Variants in LBP observed in about 807,000 individuals in gnomAD.
LBP encodes lipopolysaccharide-binding protein.
LBP carries 53 observed loss-of-function variants against 56.6 expected under a neutral mutation model. The observed-to-expected ratio is 0.94, with a 90% CI of 0.75 to 1.18. The LOEUF (loss-of-function observed/expected upper bound fraction) is 1.18. Ranked by LOEUF, LBP falls within the 50% of genes most tolerant of loss-of-function variation. LBP has a pLI of 0.00. For synonymous variants in LBP, 227 were observed against 247.5 expected (o/e 0.92, Z 0.78); for missense variants, 601 against 598.3 (o/e 1.00, Z -0.05).
intron 8 of LBP, among the ~76,000 whole-genome samples, chr20:38,365,121 G>A (rs1350453368): frequency 1.3e-5 from 2 of 150,924 alleles, no homozygotes; most frequent in African/African-American, 4.9e-5. Flanking sequence ...TGTAATCCCA[G>A]CTACTTGGGA....
intron 14 of LBP, among the ~76,000 whole-genome samples, chr20:38,374,983 GACAAGGTTTC>G: frequency 8.2e-6 from 1 of 122,320 alleles, no homozygotes; most frequent in South Asian, 2.7e-4. Context: ...TTTTGGTAGA[GACAAGGTTTC>G]ACAATGCTGG....
chr20:38,361,811 C>T (rs1301955513), intron 6 of LBP, among the ~76,000 whole-genome samples: 1 of 152,144 alleles, frequency 6.6e-6, no homozygotes, highest in East Asian at 1.9e-4. Flanking sequence ...CAGCTCCCAA[C>T]CGAGAAACAG....
At chr20:38,355,242 A>C in intron 4 of LBP, 104 bp from the exon 5 acceptor site, 1 of 994,988 alleles carries the variant, frequency 1.0e-6, no homozygotes, top group Non-Finnish European at 1.6e-6. Flanking sequence ...GAAGGGGTGG[A>C]GAGGGCTCCC....
At chr20:38,356,278 TAC>T (rs1441136149) in intron 5 of LBP, among the ~76,000 whole-genome samples, 1 of 47,958 alleles carries the variant, frequency 2.1e-5, no homozygotes, top group Non-Finnish European at 4.2e-5. Context: ...ACGCACCCCC[TAC>T]ACACACACCA....
Position 38,373,917 on chromosome 20 carries a change from T to C in LBP, c.1325-20T>C, listed in dbSNP as rs761304382. ...TTATTTATTCACCAATCTCTTTCAA[T>C]GTTGTGCTTCAACCTCTAGATAAGT... is the stretch of plus-strand genomic sequence containing the variant. On this transcript the variant is annotated intron_variant, in intron 13 of 14. Transcript: ENST00000217407. The C allele has an allele frequency of 6.2e-7, 1 of 1,608,226 alleles. No homozygotes were observed. The highest frequency in any genetic ancestry group is 8.5e-7 in the Non-Finnish European group (1 of 1,174,658).
rs764324583 is a variant in LBP, at chr20:38,364,771, A to G, written c.921+19A>G. ...TGACATGGTGAGGATGGTGGCAAAC[A>G]GGTCTCTCAAATGAACACATAACCT... is the stretch of plus-strand genomic sequence containing the variant. On this transcript the variant is annotated intron_variant, in intron 8 of 14. Coordinates refer to ENST00000217407, the MANE Select transcript of LBP (RefSeq NM_004139.5). 1 of 1,590,758 alleles carries G rather than the reference A, an allele frequency of 6.3e-7. No individual in the cohort carries two copies. The highest frequency in any genetic ancestry group is 8.6e-7 in the Non-Finnish European group (1 of 1,168,220).
intron 3 of LBP, among the ~76,000 whole-genome samples, chr20:38,353,498 T>C (rs2076827753): frequency 6.8e-6 from 1 of 146,472 alleles, no homozygotes; most frequent in African/African-American, 2.5e-5. Context: ...TTTTTTTTTT[T>C]TTTTTTTTTG....
At position 38,374,025 on chromosome 20, in the gene LBP, CA is replaced by C. The variant is rs1380680000; in HGVS notation, c.1401+13del. The C allele has an allele frequency of 1.2e-6, 2 of 1,613,318 alleles. No homozygotes were observed. Among genetic ancestry groups the C allele is most frequent in the African/African-American group, 1.3e-5 (1 of 75,006 alleles). On this transcript the variant is annotated intron_variant, in intron 14 of 14. Transcript: ENST00000217407. ...TGCAGATCCATAAGGTCGGTGGGTT[CA>C]GGGGGGCTCTGAGGATGTGTGAGGG...
At chr20:38,372,429 T>A (rs919230243) in intron 12 of LBP, among the ~76,000 whole-genome samples, 1 of 152,232 alleles carries the variant, frequency 6.6e-6, no homozygotes, top group African/African-American at 2.4e-5. Context: ...GCGTGTTTAC[T>A]GCAAAGTAAA....
intron 13 of LBP, 62 bp downstream of exon 13, chr20:38,373,197 G>C (rs1402819459): frequency 6.9e-7 from 1 of 1,459,662 alleles, no homozygotes; most frequent in Non-Finnish European, 9.6e-7. Context: ...AGGAAAGAGA[G>C]TTGGACTTGG....
intron 14 of LBP, among the ~76,000 whole-genome samples, chr20:38,375,884 C>T (rs995519542): frequency 6.6e-6 from 1 of 152,108 alleles, no homozygotes; most frequent in East Asian, 1.9e-4. Flanking sequence ...GAAACACTGG[C>T]CAACTGTTCT....
At chr20:38,350,423 T>C (rs749161259) in intron 2 of LBP, among the ~76,000 whole-genome samples, 3 of 152,116 alleles carry the variant, frequency 2.0e-5, no homozygotes, top group African/African-American at 2.4e-5. Flanking sequence ...CCTGGATGTA[T>C]TGAGAGAGAG....
intron 8 of LBP, among the ~76,000 whole-genome samples, 200 bp from the exon 9 acceptor site, chr20:38,366,569 C>A (rs1020740190): frequency 6.6e-6 from 1 of 152,144 alleles, no homozygotes. Flanking sequence ...CATCAGCTGC[C>A]CCCCGGGGAG....
At chr20:38,371,767 A>G (rs754929913) in intron 12 of LBP, among the ~76,000 whole-genome samples, 5 of 152,004 alleles carry the variant, frequency 3.3e-5, no homozygotes, top group Non-Finnish European at 5.9e-5. Flanking sequence ...GGCTCTTCCA[A>G]TTGGTAGCAA....
chr20:38,354,337 A>G lies in LBP; in HGVS notation c.422A>G (p.Asn141Ser), dbSNP rs376517237. The G allele has an allele frequency of 1.1e-5, 18 of 1,613,446 alleles. No individual in the cohort carries two copies. The African/African-American group carries it at 1.9e-4, about 17-fold the overall frequency. ...GTCAAGGGCATCAGCATTTCGGTCA[A>G]CCTCCTGTTGGGCAGCGAGTCCTCC... ...VSVKGISISV[N>S]LLLGSESSGR... The change falls in exon 4 of 15, where the codon AAC becomes AGC. Residue 141 changes from asparagine to serine, a missense_variant. Transcript: ENST00000217407.
chr20:38,359,601 A>C (rs6099277), intron 5 of LBP, among the ~76,000 whole-genome samples: 5,944 of 146,934 alleles, frequency 0.04, 145 homozygotes, highest in Non-Finnish European at 0.054. Flanking sequence ...ACAACAACAA[A>C]AAAAAAAACT....
chr20:38,346,633 G>A lies in LBP; in HGVS notation c.117G>A (p.Leu39=), dbSNP rs774084144. 4.3e-6 allele frequency: 7 copies of A among 1,613,468 alleles called. No homozygotes were observed. The highest frequency in any genetic ancestry group is 5.9e-6 in the Non-Finnish European group (7 of 1,179,900). Residue 39 remains leucine (L), a synonymous_variant, in exon 1 of 15, where the codon CTG becomes CTA. Transcript: ENST00000217407. Reference sequence around the variant, plus strand: ...TCGCCAGGATCACCGACAAGGGACTGCAGTATGGTAAGAAGCCACATCTGC... The same window carrying A: ...TCGCCAGGATCACCGACAAGGGACTACAGTATGGTAAGAAGCCACATCTGC... ...GLVARITDKG[L]QYAAQEGLLA... is the part of the protein sequence containing the mutation.
chr20:38,370,291 G>T lies in LBP; in HGVS notation c.1150-447G>T, dbSNP rs140999190. 4.9e-3 allele frequency among the ~76,000 whole-genome samples: 747 copies of T among 152,156 alleles called. 4 individuals carry two copies. The highest frequency in any genetic ancestry group is 0.017 in the African/African-American group (720 of 41,512). ...CTCAGGGGGTTGATGTGGGAGGATC[G>T]CTTGAGCCCAGGAGATTGAGGCTGC... On this transcript the variant is annotated intron_variant, in intron 10 of 14. Transcript: ENST00000217407.
At chr20:38,363,920 T>G in intron 6 of LBP, 55 bp from the exon 7 acceptor site, 1 of 1,302,720 alleles carries the variant, frequency 7.7e-7, no homozygotes, top group South Asian at 1.2e-5. Flanking sequence ...TTGCCCCTCC[T>G]CCAGCAGCTG....
Sources: allele counts gnomAD v4.1 joint callset (sites outside exome capture counted in the v4.1 genomes callset), GRCh38; gene constraint gnomAD v4.1.1; transcripts MANE v1.5; gene names NCBI Gene and HGNC (gene_info 2026-07-23, HGNC 2026-07-21).